The following FAM200B variants were observed in gnomAD, a reference collection of about 807,000 sequenced individuals.
FAM200B encodes zinc finger BED-type containing 11, also known as protein FAM200B.
A neutral mutation model predicts 33.1 loss-of-function variants in FAM200B; 32 were observed. That is an observed-to-expected ratio of 0.97 (90% CI 0.73 to 1.30). The LOEUF is 1.30. Ranked by LOEUF, FAM200B falls within the 50% of genes most tolerant of loss-of-function variation. The pLI is 0.00. For missense variants in FAM200B, 741 were observed against 754.0 expected (o/e 0.98, Z 0.20); for synonymous variants, 240 against 264.8 (o/e 0.91, Z 0.91).
chr4:15,642,683 C>T, the FAM200B span, among the ~76,000 whole-genome samples: 2 of 152,168 alleles, frequency 1.3e-5, no homozygotes, highest in African/African-American at 4.8e-5. Context: ...CTAAGCATAT[C>T]CACATGGCTT....
chr4:15,687,376 A>T lies in FAM200B; in HGVS notation c.399A>T (p.Thr133=). The change falls in exon 2 of 2, where the codon ACA becomes ACT. Residue 133 remains threonine (T), a synonymous_variant. Coordinates refer to ENST00000422728, the MANE Select transcript of FAM200B (RefSeq NM_001145191.2). ...AGAAAAAAGACATAAAGTTATCAAC[A>T]CAATTTCTTAGTTGTTCTACTGCTG... ...QRKKKDIKLS[T]QFLSCSTAVS... is the part of the protein sequence containing the mutation. The T allele has an allele frequency of 6.5e-7, 1 of 1,547,242 alleles. No homozygotes were observed. The highest frequency in any genetic ancestry group is 1.7e-4 in the Middle Eastern group (1 of 5,966).
Position 15,687,352 on chromosome 4 carries a change from GA to G in FAM200B, c.381del (p.Asp128ThrfsTer2). ...AGCCTCTTGAATATTTTCAAAGAAA[GA>G]AAAAAGACATAAAGTTATCAACACA... ...DKPLEYFQRKKKDIKLSTQFL... is the reference protein window; with the variant it reads ...DKPLEYFQRKXKDIKLSTQFL... On this transcript the variant is annotated frameshift_variant, in exon 2 of 2. Coordinates refer to ENST00000422728, the MANE Select transcript of FAM200B (RefSeq NM_001145191.2). LOFTEE classifies it high-confidence loss of function. The G allele has an allele frequency of 6.5e-7, 1 of 1,544,278 alleles. No homozygotes were observed. Among genetic ancestry groups the G allele is most frequent in the Non-Finnish European group, 8.7e-7 (1 of 1,144,000 alleles).
chr4:15,645,317 C>T, the FAM200B span, among the ~76,000 whole-genome samples: 12 of 152,036 alleles, frequency 7.9e-5, no homozygotes, highest in African/African-American at 2.4e-4. Flanking sequence ...AAAAGTAGTG[C>T]GGATTATGCA....
chr4:15,672,541 A>G, the FAM200B span, among the ~76,000 whole-genome samples: 4 of 152,204 alleles, frequency 2.6e-5, no homozygotes, highest in Non-Finnish European at 5.9e-5. Context: ...TTGTATCTAA[A>G]CATAGAAAAG....
the FAM200B span, among the ~76,000 whole-genome samples, chr4:15,641,920 G>C: frequency 6.6e-6 from 1 of 151,876 alleles, no homozygotes; most frequent in Non-Finnish European, 1.5e-5. Context: ...CCAGCTACTC[G>C]AGAGGCTGAG....
chr4:15,653,733 A>G, the FAM200B span, among the ~76,000 whole-genome samples: 5 of 152,198 alleles, frequency 3.3e-5, no homozygotes, highest in Non-Finnish European at 7.3e-5. Context: ...AATACTGCTA[A>G]GTAAAAAATT....
the FAM200B span, among the ~76,000 whole-genome samples, chr4:15,675,285 A>G: frequency 6.6e-6 from 1 of 152,090 alleles, no homozygotes; most frequent in Admixed American, 6.5e-5. Context: ...TAAGACAAGT[A>G]GAAATTAATA....
chr4:15,664,550 CTTTTTTT>C, the FAM200B span, among the ~76,000 whole-genome samples: 1 of 75,522 alleles, frequency 1.3e-5, no homozygotes, highest in African/African-American at 5.3e-5. Context: ...GGCCCTCATC[CTTTTTTT>C]TTTTTTTTTT....
At chr4:15,673,339 G>A in the FAM200B span, among the ~76,000 whole-genome samples, 3 of 152,128 alleles carry the variant, frequency 2.0e-5, no homozygotes, top group Admixed American at 2.0e-4. Flanking sequence ...TACTTGGGAG[G>A]CTGAGGTGGG....
chr4:15,681,340 C>G (rs905031265), upstream of FAM200B: 1 of 161,074 alleles, frequency 6.2e-6, no homozygotes, highest in Admixed American at 6.5e-5. Context: ...GGGCGCGGGC[C>G]GGGAGCGCTT....
chr4:15,689,201 T>C lies in FAM200B; in HGVS notation c.*250T>C. 3.0e-6 allele frequency: 1 copy of C among 331,826 alleles called. No homozygotes were observed. Among genetic ancestry groups the C allele is most frequent in the Admixed American group, 4.8e-5 (1 of 20,934 alleles). The allele number at this position is 331,826 out of a possible 1,614,324, so 20.6% of individuals were successfully genotyped here. ...AGGTAATTCCCTAGTAGAGTTTATATCCTGGCAAGGAGAAATTGACAATAA... is the reference window on the plus strand; with the variant it reads ...AGGTAATTCCCTAGTAGAGTTTATACCCTGGCAAGGAGAAATTGACAATAA... On this transcript the variant is annotated 3_prime_UTR_variant, in exon 2 of 2. Transcript: ENST00000422728.
chr4:15,642,413 T>A, the FAM200B span, among the ~76,000 whole-genome samples: 9 of 151,938 alleles, frequency 5.9e-5, no homozygotes, highest in Non-Finnish European at 1.3e-4. Context: ...TTTTGGTATT[T>A]TTAGTAGAGA....
At chr4:15,637,675 A>T in the FAM200B span, among the ~76,000 whole-genome samples, 1 of 152,330 alleles carries the variant, frequency 6.6e-6, no homozygotes, top group East Asian at 1.9e-4. Context: ...TATCTAAAGC[A>T]CAAGCTACAT....
the FAM200B span, among the ~76,000 whole-genome samples, chr4:15,647,480 G>A: frequency 2.0e-5 from 3 of 152,098 alleles, no homozygotes; most frequent in Non-Finnish European, 1.5e-5. Context: ...CACAAAATAG[G>A]AGGATACCAA....
At chr4:15,655,410 G>A in the FAM200B span, 21 of 1,006,988 alleles carry the variant, frequency 2.1e-5, no homozygotes, top group Non-Finnish European at 2.5e-5. Context: ...GCGCGCGCCC[G>A]GTCGGCTTGG....
chr4:15,660,843 G>A, the FAM200B span, among the ~76,000 whole-genome samples: 72 of 152,226 alleles, frequency 4.7e-4, 1 homozygote, highest in East Asian at 3.9e-3. Flanking sequence ...CTGGGAGGCC[G>A]AGGTGGGCGG....
In FAM200B at chr4:15,686,272, T is replaced by C. The variant is rs1718839710; in HGVS notation, c.-706T>C. On this transcript the variant is annotated 5_prime_UTR_variant, in exon 2 of 2. Coordinates refer to ENST00000422728, the MANE Select transcript of FAM200B (RefSeq NM_001145191.2). ...ATTCCAGGAAAGTTCTATAAAAATATACCATCAACTCCAACCTGATATTTG... is the reference window on the plus strand; with the variant it reads ...ATTCCAGGAAAGTTCTATAAAAATACACCATCAACTCCAACCTGATATTTG... The C allele has an allele frequency of 6.6e-6, 1 of 152,198 alleles. No homozygotes were observed. The highest frequency in any genetic ancestry group is 2.4e-5 in the African/African-American group (1 of 41,460). 9.4% of individuals were successfully genotyped at this position (152,198 alleles called of 1,614,324 possible). A position where few individuals can be genotyped will look rare whatever the true frequency, so the allele number is the denominator to read the frequency against.
At chr4:15,679,027 A>G (rs1471169522), upstream of FAM200B, among the ~76,000 whole-genome samples, 3 of 152,056 alleles carry the variant, frequency 2.0e-5, no homozygotes, top group Non-Finnish European at 4.4e-5. Flanking sequence ...ATAATTCTCA[A>G]AAATCTCAAC....
chr4:15,655,375 T>A, the FAM200B span: 1 of 1,101,050 alleles, frequency 9.1e-7, no homozygotes, highest in South Asian at 3.2e-5. Context: ...GCGCGCCCCC[T>A]TGCGCATGCG....
Sources: gnomAD v4.1 joint callset for allele counts (sites outside exome capture counted in the v4.1 genomes callset) on GRCh38, gnomAD v4.1.1 for gene constraint, MANE v1.5 for transcripts, NCBI Gene and HGNC (gene_info 2026-07-23, HGNC 2026-07-21) for gene names.